Variants in PAFAH2 observed in about 807,000 individuals in gnomAD.
The protein encoded by PAFAH2 is platelet activating factor acetylhydrolase 2.
PAFAH2 carries 42 observed loss-of-function variants against 49.0 expected under a neutral mutation model. The observed-to-expected ratio is 0.86, with a 90% CI of 0.67 to 1.11. PAFAH2 has a LOEUF of 1.11. Among genes scored for constraint, PAFAH2 ranks in the 50% least tolerant of loss-of-function variants. The probability of loss-of-function intolerance (pLI) is 0.00; values close to 1 mark genes in which losing one functional copy is unlikely to be tolerated. For missense variants in PAFAH2, 503 were observed against 501.8 expected, an observed-to-expected ratio of 1.00 and a Z score of -0.02; for synonymous variants, 184 against 181.3, an observed-to-expected ratio of 1.01 and a Z score of -0.12.
chr1:25,981,743 T>C (rs904843509), intron 7 of PAFAH2, among the ~76,000 whole-genome samples: 9 of 152,100 alleles, frequency 5.9e-5, no homozygotes, highest in African/African-American at 1.9e-4. Context: ...AGCTGATGCC[T>C]GGCGTGGTGG....
At chr1:25,994,070 G>A (rs1212342114) in intron 1 of PAFAH2, among the ~76,000 whole-genome samples, 4 of 152,068 alleles carry the variant, frequency 2.6e-5, no homozygotes, top group African/African-American at 9.7e-5. Flanking sequence ...AATCTACTCT[G>A]GAAATGAGGT....
chr1:25,975,962 T>C (rs543838260), intron 8 of PAFAH2, among the ~76,000 whole-genome samples: 7 of 152,218 alleles, frequency 4.6e-5, no homozygotes, highest in African/African-American at 1.7e-4. Context: ...ACAGCTTAAA[T>C]TGCCTCCCCC....
chr1:25,971,371 A>C (rs2049506620), intron 10 of PAFAH2, among the ~76,000 whole-genome samples: 1 of 152,138 alleles, frequency 6.6e-6, no homozygotes. Flanking sequence ...AAAGAAATCC[A>C]AAAAAATATG....
chr1:25,994,093 A>G (rs2049907985), intron 1 of PAFAH2, among the ~76,000 whole-genome samples: 2 of 151,528 alleles, frequency 1.3e-5, no homozygotes, highest in African/African-American at 4.8e-5. Context: ...TGTCCATGAG[A>G]GATAGTCTGA....
At chr1:25,985,093 G>A (rs1466946663) in intron 4 of PAFAH2, among the ~76,000 whole-genome samples, 7 of 151,924 alleles carry the variant, frequency 4.6e-5, no homozygotes, top group Non-Finnish European at 1.0e-4. Context: ...TCCTGACCTC[G>A]TGATCCGCCC....
intron 10 of PAFAH2, among the ~76,000 whole-genome samples, chr1:25,968,663 T>A (rs2049463938): frequency 6.6e-6 from 1 of 152,140 alleles, no homozygotes; most frequent in Admixed American, 6.6e-5. Flanking sequence ...CATGTGACAA[T>A]GTACTGTGTG....
intron 7 of PAFAH2, among the ~76,000 whole-genome samples, chr1:25,981,752 G>T (rs2049691530): frequency 6.6e-6 from 1 of 152,192 alleles, no homozygotes; most frequent in African/African-American, 2.4e-5. Context: ...CTGGCGTGGT[G>T]GTTCACGCCT....
chr1:25,988,447 C>A, intron 3 of PAFAH2, 120 bp from the exon 4 acceptor site: 1 of 701,772 alleles, frequency 1.4e-6, no homozygotes, highest in South Asian at 1.6e-5. Flanking sequence ...CACCATCGGC[C>A]CCTGAGCAGC....
chr1:25,983,869 C>G, intron 6 of PAFAH2, 77 bp downstream of exon 6: 2 of 1,506,512 alleles, frequency 1.3e-6, no homozygotes, highest in Non-Finnish European at 1.8e-6. Flanking sequence ...AGAGGGTTAA[C>G]TAAAAGTCTT....
intron 1 of PAFAH2, among the ~76,000 whole-genome samples, chr1:25,991,931 A>G (rs2049882168): frequency 6.6e-6 from 1 of 152,146 alleles, no homozygotes. Flanking sequence ...TGTTTTACAG[A>G]TGAGGAAACT....
rs779725087 is a variant in PAFAH2 at position 25,976,662 on chromosome 1, A to C, written c.758+20T>G. ...AACGGTGTATGGAGCTAAGCACAGCAACACTACTAGGAAACTCACCGAAAT... is the reference window on the plus strand; with the variant it reads ...AACGGTGTATGGAGCTAAGCACAGCCACACTACTAGGAAACTCACCGAAAT... On this transcript the variant is annotated intron_variant, in intron 8 of 10. Coordinates refer to ENST00000374282, the MANE Select transcript of PAFAH2 (RefSeq NM_000437.4). The C allele has an allele frequency of 2.5e-6, 4 of 1,575,176 alleles. No individual in the cohort carries two copies. The Admixed American group carries it at 6.7e-5, about 26-fold the overall frequency.
chr1:25,991,557 C>T (rs1327177035), intron 1 of PAFAH2, among the ~76,000 whole-genome samples: 2 of 147,384 alleles, frequency 1.4e-5, no homozygotes, highest in East Asian at 2.2e-4. Context: ...GCTGGGATTA[C>T]AGGCGTGAGC....
intron 7 of PAFAH2, among the ~76,000 whole-genome samples, chr1:25,980,613 A>T (rs3008421): frequency 0.78 from 102,797 of 132,190 alleles, 38,024 homozygotes; most frequent in South Asian, 0.88. Flanking sequence ...GGCCATATTT[A>T]TATATATATA....
chr1:25,996,621 G>A (rs907557352), intron 1 of PAFAH2, among the ~76,000 whole-genome samples: 4 of 152,060 alleles, frequency 2.6e-5, no homozygotes, highest in Admixed American at 6.6e-5. Context: ...TAGCCTGGGC[G>A]ACAGAGCGAG....
intron 7 of PAFAH2, among the ~76,000 whole-genome samples, chr1:25,980,086 A>C (rs371294299): frequency 6.6e-6 from 1 of 152,226 alleles, no homozygotes; most frequent in Admixed American, 6.5e-5. Context: ...GGAGGATATT[A>C]CCAAAGCCTT....
chr1:25,966,440 T>TA (rs1242399167), intron 10 of PAFAH2, among the ~76,000 whole-genome samples: 2 of 152,104 alleles, frequency 1.3e-5, no homozygotes, highest in African/African-American at 4.8e-5. Context: ...TACTCAGTTA[T>TA]AAAAAAAGAA....
rs1356795727 is a variant in PAFAH2, at chr1:25,976,693, C to G, written c.747G>C (p.Glu249Asp). ...GATAILALAK[E>D]TQFRCAVALD... ...ACTAGGAAACTCACCGAAATTGGGT[C>G]TCCTTGGCCAAAGCCAGAATAGCTG... is the stretch of plus-strand genomic sequence containing the variant. Residue 249 changes from glutamate (E) to aspartate (D), a missense_variant, in exon 8 of 11, where the codon GAG becomes GAC. Glu to Asp is a conservative substitution (Grantham distance 45, BLOSUM62 2). Transcript: ENST00000374282. 7 of 1,613,694 alleles carry G rather than the reference C, an allele frequency of 4.3e-6. No individual in the cohort carries two copies. The African/African-American group carries it at 8.0e-5, about 18-fold the overall frequency.
intron 10 of PAFAH2, among the ~76,000 whole-genome samples, chr1:25,968,185 TAAATA>T (rs1023382361): frequency 4.6e-5 from 7 of 151,262 alleles, no homozygotes; most frequent in African/African-American, 1.7e-4. Flanking sequence ...AATAAATAAA[TAAATA>T]AAATAAAGAG....
chr1:25,972,262 ATT>A (rs5773141), intron 10 of PAFAH2, among the ~76,000 whole-genome samples: 6 of 141,160 alleles, frequency 4.3e-5, no homozygotes, highest in East Asian at 2.1e-4. Context: ...CACCCAGCTA[ATT>A]TTTTTTTTTT....
Sources: allele counts gnomAD v4.1 joint callset (sites outside exome capture counted in the v4.1 genomes callset), GRCh38; gene constraint gnomAD v4.1.1; transcripts MANE v1.5; gene names NCBI Gene and HGNC (gene_info 2026-07-23, HGNC 2026-07-21).